Variants in TNR observed in about 807,000 individuals in gnomAD.
TNR encodes tenascin-R.
TNR carries 45 observed loss-of-function variants against 150.4 expected under a neutral mutation model. The observed-to-expected ratio is 0.30, with a 90% CI of 0.24 to 0.38. TNR has a LOEUF of 0.38. Among genes scored for constraint, TNR ranks in the 10% least tolerant of loss-of-function variants. The pLI, the probability that TNR is intolerant of heterozygous loss-of-function variation, is 1.00. For missense variants in TNR, 1,544 were observed against 1,759.1 expected (o/e 0.88, Z 2.19); for synonymous variants, 687 against 678.4 (o/e 1.01, Z -0.20).
intron 7 of TNR, among the ~76,000 whole-genome samples, chr1:175,388,694 A>G (rs1165376512): frequency 1.3e-5 from 2 of 152,214 alleles, no homozygotes; most frequent in African/African-American, 2.4e-5. Flanking sequence ...AAACAAACAC[A>G]ATCCCTGCTC....
intron 1 of TNR, among the ~76,000 whole-genome samples, chr1:175,571,641 T>G (rs1188972726): frequency 6.6e-6 from 1 of 152,206 alleles, no homozygotes; most frequent in African/African-American, 2.4e-5. Context: ...GCCCTCCATT[T>G]AGCCACACCT....
In TNR at chr1:175,721,784, G is replaced by A. The variant is rs550199102; in HGVS notation, c.-165+21442C>T. ...GAAGAGCAAGTTCTTCCCAGAGGGC[G>A]ACACCTGCTCTCATCCTGCGCATCC... On this transcript the variant is annotated intron_variant, in intron 1 of 22. Coordinates refer to ENST00000367674, the MANE Select transcript of TNR (RefSeq NM_003285.3). Among the ~76,000 whole-genome samples the A allele has an allele frequency of 5.9e-5, 9 of 152,086 alleles. No individual in the cohort carries two copies. The South Asian group carries it at 6.2e-4, about 11-fold the overall frequency.
chr1:175,514,443 T>A (rs1183404212), intron 2 of TNR, among the ~76,000 whole-genome samples: 4 of 152,208 alleles, frequency 2.6e-5, no homozygotes, highest in African/African-American at 9.6e-5. Flanking sequence ...AGCAGTAAGA[T>A]AATACATTTT....
chr1:175,352,380 G>T (rs1010339717), intron 18 of TNR, among the ~76,000 whole-genome samples: 1 of 152,200 alleles, frequency 6.6e-6, no homozygotes, highest in Non-Finnish European at 1.5e-5. Context: ...TATGCAAATT[G>T]GGAGCTCAGT....
intron 21 of TNR, among the ~76,000 whole-genome samples, chr1:175,328,686 A>G (rs892671169): frequency 6.6e-6 from 1 of 152,216 alleles, no homozygotes. Context: ...CCTCTGAGAC[A>G]TGAGAATAGC....
chr1:175,718,480 G>A (rs1416794182), intron 1 of TNR, among the ~76,000 whole-genome samples: 1 of 152,212 alleles, frequency 6.6e-6, no homozygotes, highest in Non-Finnish European at 1.5e-5. Flanking sequence ...GGTGGCCAAG[G>A]TCACAGGTAG....
intron 2 of TNR, among the ~76,000 whole-genome samples, chr1:175,522,488 C>T (rs1659675973): frequency 6.6e-6 from 1 of 152,126 alleles, no homozygotes. Context: ...CCCAAAATCT[C>T]ACAAATCACC....
At chr1:175,648,789 T>TAA (rs1461747609) in intron 1 of TNR, among the ~76,000 whole-genome samples, 1 of 152,182 alleles carries the variant, frequency 6.6e-6, no homozygotes, top group African/African-American at 2.4e-5. Context: ...GCTCCACCGT[T>TAA]AGTCTTCCCA....
chr1:175,391,422 A>G lies in TNR; in HGVS notation c.1373T>C (p.Val458Ala), dbSNP rs747446055. Residue 458 changes from valine to alanine, a missense_variant, in exon 7 of 23, where the codon GTG (valine) becomes GCG (alanine). Transcript: ENST00000367674. ...AACATCGCTGGGGACCTGAGCAATC[A>G]CTCCCCCTTCATTGTTCTGGACAGT... ...SFIPKNNEGG[V>A]IAQVPSDVTS... The G allele has an allele frequency of 3.1e-6, 5 of 1,613,656 alleles. No homozygotes were observed. The South Asian group carries it at 5.5e-5, about 18-fold the overall frequency.
chr1:175,655,505 C>T (rs376527055), intron 1 of TNR, among the ~76,000 whole-genome samples: 1 of 152,216 alleles, frequency 6.6e-6, no homozygotes, highest in Non-Finnish European at 1.5e-5. Flanking sequence ...ATCTGTGGGA[C>T]TCCTCACTCC....
chr1:175,549,542 G>C (rs1436392300), intron 1 of TNR, among the ~76,000 whole-genome samples: 1 of 152,182 alleles, frequency 6.6e-6, no homozygotes, highest in Non-Finnish European at 1.5e-5. Flanking sequence ...CCTGTGATGA[G>C]GTTATGTTAC....
intron 1 of TNR, among the ~76,000 whole-genome samples, chr1:175,612,761 A>C (rs1226984033): frequency 1.3e-5 from 2 of 152,256 alleles, no homozygotes; most frequent in South Asian, 4.1e-4. Flanking sequence ...GAAGAAAATC[A>C]TACTGTGGGA....
chr1:175,721,854 C>T (rs1053732790), intron 1 of TNR, among the ~76,000 whole-genome samples: 2 of 140,566 alleles, frequency 1.4e-5, no homozygotes, highest in Non-Finnish European at 3.1e-5. Context: ...CCCCCCACCC[C>T]ACTGACCAGC....
chr1:175,594,922 T>C (rs950348958), intron 1 of TNR, among the ~76,000 whole-genome samples: 4 of 151,518 alleles, frequency 2.6e-5, no homozygotes, highest in African/African-American at 9.7e-5. Flanking sequence ...CCCAACACTT[T>C]GGGAGGCCAA....
At chr1:175,667,197 C>T (rs1490253472) in intron 1 of TNR, among the ~76,000 whole-genome samples, 1 of 152,194 alleles carries the variant, frequency 6.6e-6, no homozygotes, top group Non-Finnish European at 1.5e-5. Flanking sequence ...TAAGCCAGGC[C>T]TTGTCTCTCC....
At chr1:175,406,071 TCC>T (rs1178528726) in intron 3 of TNR, 143 bp downstream of exon 3, 1 of 1,093,692 alleles carries the variant, frequency 9.1e-7, no homozygotes. Flanking sequence ...GACACTTTTT[TCC>T]TTTGACCGTG....
chr1:175,729,473 C>G (rs761145023), intron 1 of TNR, among the ~76,000 whole-genome samples: 1 of 152,018 alleles, frequency 6.6e-6, no homozygotes, highest in African/African-American at 2.4e-5. Flanking sequence ...TCTGTCTCCA[C>G]GCCAGAGTGC....
At chr1:175,394,021 A>AATC (rs1313584267) in intron 5 of TNR, 126 bp from the exon 6 acceptor site, 52 of 728,572 alleles carry the variant, frequency 7.1e-5, no homozygotes, top group Non-Finnish European at 1.1e-4. Context: ...GGACAATCCC[A>AATC]ATCTTGCTCC....
In TNR at chr1:175,702,943, C is replaced by T. The variant is rs981415512; in HGVS notation, c.-165+40283G>A. ...GTTTGCTACCACAGACAGTTTCCTG[C>T]TCAAATATAGTAATCCAAAATATCC... On this transcript the variant is annotated intron_variant, in intron 1 of 22. Coordinates refer to ENST00000367674, the MANE Select transcript of TNR (RefSeq NM_003285.3). Among the ~76,000 whole-genome samples the T allele has an allele frequency of 5.3e-5, 8 of 152,206 alleles. No homozygotes were observed. The South Asian group carries it at 6.2e-4, about 12-fold the overall frequency.
Sources: gnomAD v4.1 joint callset for allele counts (sites outside exome capture counted in the v4.1 genomes callset) on GRCh38, gnomAD v4.1.1 for gene constraint, MANE v1.5 for transcripts, NCBI Gene and HGNC (gene_info 2026-07-23, HGNC 2026-07-21) for gene names.